CAPN2: variants seen among roughly 807,000 people sequenced by gnomAD.
The protein encoded by CAPN2 is calpain-2 catalytic subunit.
In CAPN2, 92 loss-of-function variants were observed where a neutral mutation model predicts 102.3. That is an observed-to-expected ratio of 0.90 (90% CI 0.76 to 1.07). CAPN2 has a LOEUF of 1.07. Among genes scored for constraint, CAPN2 ranks in the 50% least tolerant of loss-of-function variants. The pLI, the probability that CAPN2 is intolerant of heterozygous loss-of-function variation, is 0.00. For synonymous variants in CAPN2, 340 were observed against 355.4 expected (o/e 0.96, Z 0.49); for missense variants, 800 against 909.4 (o/e 0.88, Z 1.55).
rs1660970332 is a variant in CAPN2, at chr1:223,754,039, T to A, written c.1135+1083T>A. 6.6e-6 allele frequency among the ~76,000 whole-genome samples: 1 copy of A among 152,186 alleles called. No individual in the cohort carries two copies. Among genetic ancestry groups the A allele is most frequent in the South Asian group, 2.1e-4 (1 of 4,824 alleles). ...TTTCTTATCACCTCCATCTCTAAGA[T>A]GAGGAAACTGAGGCTTGGAGAGGCT... On this transcript the variant is annotated intron_variant, in intron 9 of 20. Coordinates refer to ENST00000295006, the MANE Select transcript of CAPN2 (RefSeq NM_001748.5). The surrounding 1 kb of genome is among the most constrained non-coding windows in gnomAD (Gnocchi z 4.7).
At position 223,702,161 on chromosome 1, in the gene CAPN2, C is replaced by T. The variant is rs1017937433; in HGVS notation, c.3+330C>T. ...AAGAAGGAGGCTGGGCGCCGTGGCTCACGCCTGTAATCCCAGCACTTTGGG... is the reference window on the plus strand; with the variant it reads ...AAGAAGGAGGCTGGGCGCCGTGGCTTACGCCTGTAATCCCAGCACTTTGGG... On this transcript the variant is annotated intron_variant, in intron 1 of 20. Coordinates refer to the CAPN2 transcript ENST00000433674. 9.4e-5 allele frequency among the ~76,000 whole-genome samples: 13 copies of T among 139,036 alleles called. No homozygotes were observed. The Middle Eastern group carries it at 0.011, about 120-fold the overall frequency. 91.2% of individuals were successfully genotyped at this position (139,036 alleles called of 152,430 possible).
At chr1:223,764,293 T>A in intron 15 of CAPN2, 86 bp downstream of exon 15, 2 of 1,174,258 alleles carry the variant, frequency 1.7e-6, no homozygotes, top group Non-Finnish European at 2.6e-6. Context: ...CCTCCATGTC[T>A]GGCTGCTGTG....
chr1:223,762,304 A>T, intron 14 of CAPN2, 53 bp downstream of exon 14: 1 of 1,387,442 alleles, frequency 7.2e-7, no homozygotes. Context: ...AAAGGAAGAG[A>T]CAGTGTGTGT....
chr1:223,733,123 AG>A (rs1558064730), intron 2 of CAPN2, among the ~76,000 whole-genome samples: 1 of 152,164 alleles, frequency 6.6e-6, no homozygotes, highest in Non-Finnish European at 1.5e-5. Context: ...CCTGTCCTGC[AG>A]GACTGTCAGC....
chr1:223,754,758 C>T lies in CAPN2; in HGVS notation c.1136-722C>T, dbSNP rs758825187. 6.6e-6 allele frequency among the ~76,000 whole-genome samples: 1 copy of T among 152,206 alleles called. No homozygotes were observed. Among genetic ancestry groups the T allele is most frequent in the Non-Finnish European group, 1.5e-5 (1 of 68,034 alleles). ...GCCTGAGAGGACAAGGGACGCAGAACAAGAAAGAGTCTGGAATTATACACA... is the reference window on the plus strand; with the variant it reads ...GCCTGAGAGGACAAGGGACGCAGAATAAGAAAGAGTCTGGAATTATACACA... On this transcript the variant is annotated intron_variant, in intron 9 of 20. Coordinates refer to ENST00000295006, the MANE Select transcript of CAPN2 (RefSeq NM_001748.5). The surrounding 1 kb of genome is among the most constrained non-coding windows in gnomAD (Gnocchi z 4.7).
intron 2 of CAPN2, among the ~76,000 whole-genome samples, chr1:223,740,106 T>C (rs1241356382): frequency 2.0e-5 from 3 of 152,138 alleles, no homozygotes; most frequent in Non-Finnish European, 1.5e-5. Context: ...CTGGGAAAGA[T>C]GGGACTAAGT....
chr1:223,747,518 G>A (rs1251110742), intron 5 of CAPN2, among the ~76,000 whole-genome samples: 1 of 152,158 alleles, frequency 6.6e-6, no homozygotes, highest in African/African-American at 2.4e-5. Flanking sequence ...ATTTTTAGGG[G>A]AATTCATTGG....
upstream of CAPN2, among the ~76,000 whole-genome samples, chr1:223,710,166 C>T (rs1390198157): frequency 6.6e-6 from 1 of 152,098 alleles, no homozygotes; most frequent in Non-Finnish European, 1.5e-5. Context: ...ATCCCAGCTA[C>T]GTTGGAGGCT....
At chr1:223,758,426 A>G (rs1302469022) in intron 11 of CAPN2, 1 of 152,278 alleles carries the variant, frequency 6.6e-6, no homozygotes, top group Non-Finnish European at 1.5e-5. Flanking sequence ...CCGGTGGATC[A>G]TGCTTGGTTT....
At chr1:223,741,574 C>T (rs1015646134) in intron 2 of CAPN2, among the ~76,000 whole-genome samples, 5 of 151,660 alleles carry the variant, frequency 3.3e-5, no homozygotes, top group African/African-American at 1.2e-4. Context: ...CCTGCCTCAG[C>T]CTACCGAATA....
At chr1:223,766,675 C>T (rs984453015) in intron 16 of CAPN2, among the ~76,000 whole-genome samples, 1 of 152,158 alleles carries the variant, frequency 6.6e-6, no homozygotes, top group Non-Finnish European at 1.5e-5. Flanking sequence ...AATGCAGGCC[C>T]ATGGCGGGCG....
rs1328363198 is a variant in CAPN2, at chr1:223,720,671, A to G, written c.307+2840A>G. ...AGTAATAACAGTACCCATCACCTGC[A>G]TAACAGTATGCAATTCATAGAGCAT... On this transcript the variant is annotated intron_variant, in intron 2 of 20. Coordinates refer to ENST00000295006, the MANE Select transcript of CAPN2 (RefSeq NM_001748.5). Among the ~76,000 whole-genome samples, 3 of 152,300 alleles carry G rather than the reference A, an allele frequency of 2.0e-5. No homozygotes were observed. The East Asian group carries it at 5.8e-4, about 29-fold the overall frequency.
chr1:223,760,382 G>A (rs889653993), intron 12 of CAPN2, among the ~76,000 whole-genome samples: 5 of 152,126 alleles, frequency 3.3e-5, no homozygotes, highest in Non-Finnish European at 7.3e-5. Flanking sequence ...TAGAGGCAGG[G>A]AACTGCCCTT....
Position 223,754,391 on chromosome 1 carries a change from T to C in CAPN2, c.1136-1089T>C, listed in dbSNP as rs1476204963. On this transcript the variant is annotated intron_variant, in intron 9 of 20. Transcript: ENST00000295006. This position sits in a 1 kb window ranked among gnomAD's most constrained non-coding sequence, Gnocchi z 4.7. ...AGATCAGGAGTCGGAAAACTCCCTC[T>C]AAAGGGTCAGATAGTAAATAATTTT... is the stretch of plus-strand genomic sequence containing the variant. Among the ~76,000 whole-genome samples the C allele has an allele frequency of 6.6e-6, 1 of 152,200 alleles. No homozygotes were observed. Among genetic ancestry groups the C allele is most frequent in the Non-Finnish European group, 1.5e-5 (1 of 68,026 alleles).
chr1:223,725,082 G>A lies in CAPN2; in HGVS notation c.307+7251G>A, dbSNP rs555589647. 2.1e-3 allele frequency among the ~76,000 whole-genome samples: 320 copies of A among 152,308 alleles called. 1 individual carries two copies. The highest frequency in any genetic ancestry group is 7.5e-3 in the African/African-American group (311 of 41,570). On this transcript the variant is annotated intron_variant, in intron 2 of 20. Coordinates refer to ENST00000295006, the MANE Select transcript of CAPN2 (RefSeq NM_001748.5). This position sits in a 1 kb window ranked among gnomAD's most constrained non-coding sequence, Gnocchi z 4.1. Reference sequence around the variant, plus strand: ...CTGGCCTCTTATTCTGCCACATACTGGCTCTGTCATTTTGAGTGGATCACT... The same window carrying A: ...CTGGCCTCTTATTCTGCCACATACTAGCTCTGTCATTTTGAGTGGATCACT...
chr1:223,722,773 C>T lies in CAPN2; in HGVS notation c.307+4942C>T, dbSNP rs569443639. On this transcript the variant is annotated intron_variant, in intron 2 of 20. Transcript: ENST00000295006. ...TAACATGTTACATCAGTGTGGTACA[C>T]GTGTTATAATGAATCAGCATTGATG... Among the ~76,000 whole-genome samples, 77 of 152,118 alleles carry T rather than the reference C, an allele frequency of 5.1e-4. 1 individual carries two copies. The highest frequency in any genetic ancestry group is 1.4e-3 in the African/African-American group (58 of 41,488).
intron 7 of CAPN2, 82 bp downstream of exon 7, chr1:223,751,057 C>T: frequency 8.6e-7 from 1 of 1,165,378 alleles, no homozygotes; most frequent in Non-Finnish European, 1.3e-6. Context: ...GAGAAGAAGA[C>T]ATGTGCATTA....
At chr1:223,764,592 C>T (rs1661267465) in intron 15 of CAPN2, among the ~76,000 whole-genome samples, 1 of 152,170 alleles carries the variant, frequency 6.6e-6, no homozygotes, top group African/African-American at 2.4e-5. Flanking sequence ...TAGCTGGAAT[C>T]ACAGGCAAGT....
intron 20 of CAPN2, among the ~76,000 whole-genome samples, chr1:223,773,833 G>GC (rs1661544171): frequency 6.6e-6 from 1 of 151,806 alleles, no homozygotes; most frequent in Non-Finnish European, 1.5e-5. Flanking sequence ...TCCAGCCTAG[G>GC]CAACAAGAGC....
Sources: gnomAD v4.1 joint callset for allele counts (sites outside exome capture counted in the v4.1 genomes callset) on GRCh38, gnomAD v4.1.1 for gene constraint, Gnocchi (gnomAD v3.1) non-coding constraint, MANE v1.5 for transcripts, NCBI Gene and HGNC (gene_info 2026-07-23, HGNC 2026-07-21) for gene names.